SF3A3: variants seen among roughly 807,000 people sequenced by gnomAD.
SF3A3 encodes SAP 61.
A neutral mutation model predicts 85.8 loss-of-function variants in SF3A3; 9 were observed. The observed-to-expected ratio is 0.10, with a 90% CI of 0.06 to 0.18. SF3A3 has a LOEUF of 0.18. Among genes scored for constraint, SF3A3 ranks in the 10% least tolerant of loss-of-function variants. The pLI is 1.00. For missense variants in SF3A3, 306 were observed against 593.3 expected, an observed-to-expected ratio of 0.52 and a Z score of 5.03; for synonymous variants, 195 against 204.4, an observed-to-expected ratio of 0.95 and a Z score of 0.39.
chr1:37,977,382 T>C (rs1646385823), intron 11 of SF3A3, among the ~76,000 whole-genome samples: 1 of 152,130 alleles, frequency 6.6e-6, no homozygotes. Flanking sequence ...TCTGGGTTGT[T>C]GTGAGAATTA....
At chr1:37,961,506 C>T (rs903452867) in intron 15 of SF3A3, among the ~76,000 whole-genome samples, 5 of 151,044 alleles carry the variant, frequency 3.3e-5, no homozygotes, top group African/African-American at 1.2e-4. Context: ...ATCGCTTGAA[C>T]CTGGGAGGTG....
At chr1:37,963,494 T>TA (rs1268514819) in intron 15 of SF3A3, among the ~76,000 whole-genome samples, 1 of 151,758 alleles carries the variant, frequency 6.6e-6, no homozygotes, top group East Asian at 1.9e-4. Flanking sequence ...CTGACTAACC[T>TA]AGACAGCTAA....
chr1:37,962,841 T>G (rs1646271560), intron 15 of SF3A3, among the ~76,000 whole-genome samples: 1 of 150,622 alleles, frequency 6.6e-6, no homozygotes, highest in Admixed American at 6.6e-5. Flanking sequence ...ATCCTAGCAC[T>G]TTGGGAAGCT....
Position 37,968,031 on chromosome 1 carries a change from A to T in SF3A3, c.1372+13T>A, listed in dbSNP as rs1428325170. The T allele has an allele frequency of 1.3e-6, 2 of 1,569,142 alleles. No homozygotes were observed. Among genetic ancestry groups the T allele is most frequent in the East Asian group, 4.5e-5 (2 of 44,694 alleles). On this transcript the variant is annotated intron_variant, in intron 15 of 16. Coordinates refer to ENST00000373019, the MANE Select transcript of SF3A3 (RefSeq NM_006802.4). ...TGTACTCGCCTAGGAGACAGTAAAT[A>T]AATCTTACTTACAGGAGACAGCATC...
chr1:37,977,246 C>G (rs1646385034), intron 11 of SF3A3, among the ~76,000 whole-genome samples: 1 of 152,162 alleles, frequency 6.6e-6, no homozygotes, highest in African/African-American at 2.4e-5. Flanking sequence ...TATATAAGAG[C>G]AAGCTCTGCA....
intron 7 of SF3A3, 115 bp from the exon 8 acceptor site, chr1:37,980,839 C>CTAT: frequency 3.2e-6 from 1 of 309,518 alleles, no homozygotes; most frequent in Non-Finnish European, 5.4e-6. Context: ...CTTTTTAATA[C>CTAT]TCTTTTTTTT....
chr1:37,979,110 C>G (rs1249703929), intron 9 of SF3A3, 55 bp from the exon 10 acceptor site: 19 of 1,451,478 alleles, frequency 1.3e-5, no homozygotes, highest in Non-Finnish European at 1.5e-5. Flanking sequence ...TTGGGAAACC[C>G]CAAATGCAGG....
intron 9 of SF3A3, 29 bp downstream of exon 9, chr1:37,979,436 G>C (rs769074069): frequency 1.3e-6 from 2 of 1,544,224 alleles, no homozygotes; most frequent in Non-Finnish European, 1.8e-6. Context: ...TAGACAGAGA[G>C]AACACTACTA....
intron 15 of SF3A3, 154 bp from the exon 16 acceptor site, chr1:37,960,329 C>T (rs1646248450): frequency 1.7e-6 from 1 of 602,742 alleles, no homozygotes; most frequent in Admixed American, 2.7e-5. Flanking sequence ...GGTTCTGGAC[C>T]ACCTATAGAC....
intron 2 of SF3A3, among the ~76,000 whole-genome samples, chr1:37,988,438 C>A (rs1646470204): frequency 6.6e-6 from 1 of 152,122 alleles, no homozygotes; most frequent in Non-Finnish European, 1.5e-5. Context: ...CTGCAGTAAA[C>A]CTCATACCTT....
At chr1:37,988,142 T>G (rs1646468765) in intron 2 of SF3A3, among the ~76,000 whole-genome samples, 1 of 152,226 alleles carries the variant, frequency 6.6e-6, no homozygotes, top group Non-Finnish European at 1.5e-5. Flanking sequence ...ACTTCCCCTG[T>G]AACAGACTCA....
intron 12 of SF3A3, among the ~76,000 whole-genome samples, chr1:37,975,245 G>C (rs541028851): frequency 6.6e-6 from 1 of 152,296 alleles, no homozygotes; most frequent in Admixed American, 6.5e-5. Context: ...TTAAAGGATG[G>C]AGAGGCCGTC....
At chr1:37,989,819 C>G in intron 1 of SF3A3, 51 bp downstream of exon 1, 1 of 1,454,294 alleles carries the variant, frequency 6.9e-7, no homozygotes, top group Non-Finnish European at 9.7e-7. Context: ...AGGTCAAACA[C>G]GGGATAGAGG....
intron 15 of SF3A3, among the ~76,000 whole-genome samples, chr1:37,965,328 A>T (rs375449415): frequency 6.2e-4 from 71 of 115,162 alleles, no homozygotes; most frequent in African/African-American, 2.5e-3. Context: ...AAGAAAATAA[A>T]CTCAGAATAG....
chr1:37,981,219 G>A (rs746429842), intron 7 of SF3A3, among the ~76,000 whole-genome samples: 7 of 151,832 alleles, frequency 4.6e-5, no homozygotes, highest in Non-Finnish European at 1.0e-4. Flanking sequence ...GACCTTTCCC[G>A]CCTCCTTTTA....
intron 15 of SF3A3, among the ~76,000 whole-genome samples, chr1:37,961,531 C>A (rs1646258065): frequency 6.6e-6 from 1 of 150,860 alleles, no homozygotes; most frequent in Non-Finnish European, 1.5e-5. Flanking sequence ...TTGGGGTGAG[C>A]CGAGATAACA....
In SF3A3 at chr1:37,987,665, C is replaced by G. The variant is rs1646466049; in HGVS notation, c.211G>C (p.Glu71Gln). ...TTGGGTCCTGAAATGGCATTGAGCT[C>G]CTCCTTTCGTAATCTGCAATTTCAG... is the stretch of plus-strand genomic sequence containing the variant. The part of the protein sequence containing the change: ...YDDKDGLRKE[E>Q]LNAISGPNEF... Residue 71 changes from glutamate to glutamine, a missense_variant, in exon 4 of 17, where the codon GAG (glutamate) becomes CAG (glutamine). This residue lies in a region of SF3A3 where 152 missense variants were observed against 192.0 expected (regional missense o/e 0.79). Transcript: ENST00000373019. 1 of 1,613,828 alleles carries G rather than the reference C, an allele frequency of 6.2e-7. No homozygotes were observed. Among genetic ancestry groups the G allele is most frequent in the Non-Finnish European group, 8.5e-7 (1 of 1,179,856 alleles).
Position 37,980,643 on chromosome 1 carries a change from C to T in SF3A3, c.633G>A (p.Gly211=), listed in dbSNP as rs143971922. ...TCTTCTCAAACTCAGCCTGAATCTT[C>T]CCAAAAAGTTCATTCTGATCTTGGA... The part of the protein sequence containing the change: ...KPLQDQNELF[G]KIQAEFEKKW... Residue 211 remains glycine (G), a synonymous_variant, in exon 8 of 17, where the codon GGG becomes GGA. Coordinates refer to ENST00000373019, the MANE Select transcript of SF3A3 (RefSeq NM_006802.4). 1,416 of 1,614,088 alleles carry T rather than the reference C, an allele frequency of 8.8e-4. 4 individuals carry two copies. The highest frequency in any genetic ancestry group is 1.0e-3 in the Non-Finnish European group (1,192 of 1,179,998).
chr1:37,961,589 AAAC>A (rs1346679590), intron 15 of SF3A3, among the ~76,000 whole-genome samples: 1 of 151,262 alleles, frequency 6.6e-6, no homozygotes, highest in East Asian at 2.0e-4. Context: ...CGTCTCAAAA[AAAC>A]AAAAAAAAAT....
Sources: allele counts gnomAD v4.1 joint callset (sites outside exome capture counted in the v4.1 genomes callset), GRCh38; gene constraint gnomAD v4.1.1; regional missense constraint gnomAD v4.1.1; transcripts MANE v1.5; gene names NCBI Gene and HGNC (gene_info 2026-07-23, HGNC 2026-07-21).